The following RUFY4 variants were observed in gnomAD, a reference collection of about 807,000 sequenced individuals.
The protein encoded by RUFY4 is RUN and FYVE domain containing 4, also known as RUN and FYVE domain-containing protein 4.
RUFY4 carries 73 observed loss-of-function variants against 69.0 expected under a neutral mutation model. The ratio of observed to expected loss-of-function variants is 1.06; its 90% CI spans 0.88 to 1.29. The LOEUF (loss-of-function observed/expected upper bound fraction) is 1.29. Ranked by LOEUF, RUFY4 falls within the 50% of genes most tolerant of loss-of-function variation. RUFY4 has a pLI of 0.00. For synonymous variants in RUFY4, 287 were observed against 271.8 expected, an observed-to-expected ratio of 1.06 and a Z score of -0.55; for missense variants, 770 against 705.6, an observed-to-expected ratio of 1.09 and a Z score of -1.03.
chr2:218,051,568 TAA>T (rs35465389), intron 2 of RUFY4, among the ~76,000 whole-genome samples: 29,793 of 114,596 alleles, frequency 0.26, 3,690 homozygotes, highest in East Asian at 0.39. Flanking sequence ...TCCAATATTT[TAA>T]AAAAAAAAAA....
chr2:218,042,439 A>T (rs934044), intron 2 of RUFY4, among the ~76,000 whole-genome samples: 61,225 of 152,114 alleles, frequency 0.4, 13,642 homozygotes, highest in East Asian at 0.78. Context: ...ACAAAAGAAA[A>T]ACAGAAGTTA....
At chr2:218,065,074 G>C (rs181634857), upstream of RUFY4, among the ~76,000 whole-genome samples, 59 of 152,310 alleles carry the variant, frequency 3.9e-4, 1 homozygote, top group Middle Eastern at 3.4e-3. Context: ...TCTCCAGCCT[G>C]GGAACGGGTG....
intron 9 of RUFY4, among the ~76,000 whole-genome samples, chr2:218,083,777 G>A (rs924154675): frequency 1.3e-5 from 2 of 151,352 alleles, no homozygotes; most frequent in Non-Finnish European, 2.9e-5. Context: ...AGTCATCTAG[G>A]ACACATAGCA....
At chr2:218,058,598 A>C (rs964182774) in exon 3 of RUFY4, 2 of 152,214 alleles carry the variant, frequency 1.3e-5, no homozygotes, top group Non-Finnish European at 2.9e-5. Context: ...TTTCCAGGTC[A>C]GTGGGGGGCC....
chr2:218,036,289 CTT>C (rs1475835588), intron 2 of RUFY4, among the ~76,000 whole-genome samples: 1 of 152,176 alleles, frequency 6.6e-6, no homozygotes, highest in Non-Finnish European at 1.5e-5. Flanking sequence ...AGATATAAGT[CTT>C]TCCCTCTCTG....
At chr2:218,060,327 A>G in intron 3 of RUFY4, 3 of 1,521,096 alleles carry the variant, frequency 2.0e-6, no homozygotes, top group Non-Finnish European at 2.6e-6. Flanking sequence ...GACTGCACTT[A>G]GGCAAGAGGT....
chr2:218,037,870 G>T (rs1959002247), intron 2 of RUFY4, among the ~76,000 whole-genome samples: 1 of 152,156 alleles, frequency 6.6e-6, no homozygotes, highest in Non-Finnish European at 1.5e-5. Flanking sequence ...AAAAGTAAGT[G>T]TTTCCACTTT....
intron 6 of RUFY4, 44 bp from the exon 9 acceptor site, chr2:218,075,048 GA>G (rs1226880793): frequency 3.4e-6 from 5 of 1,472,852 alleles, no homozygotes; most frequent in Non-Finnish European, 4.5e-6. Flanking sequence ...CCAGGTCAGT[GA>G]ATTGGTGCTG....
At chr2:218,086,796 G>T (rs527741552) in intron 9 of RUFY4, among the ~76,000 whole-genome samples, 43 of 152,178 alleles carry the variant, frequency 2.8e-4, no homozygotes, top group Non-Finnish European at 5.9e-4. Context: ...CAAGTGGGCA[G>T]CAATCCCAGG....
intron 2 of RUFY4, among the ~76,000 whole-genome samples, chr2:218,044,515 T>C (rs972227361): frequency 2.0e-5 from 3 of 152,178 alleles, no homozygotes; most frequent in African/African-American, 7.2e-5. Flanking sequence ...GGGTTTGTTG[T>C]ACAGATTATT....
rs534919129 is a variant in RUFY4 at position 218,071,621 on chromosome 2, G to A, written c.154-753G>A. Among the ~76,000 whole-genome samples the A allele has an allele frequency of 1.8e-4, 28 of 152,150 alleles. No individual in the cohort carries two copies. In the South Asian group the frequency reaches 2.1e-3, roughly 11 times the overall value. ...AGGTGACTCTACCCCAGGTCGGCCCGAGGGGACCCATCCCCCATCTCAGCA... is the reference window on the plus strand; with the variant it reads ...AGGTGACTCTACCCCAGGTCGGCCCAAGGGGACCCATCCCCCATCTCAGCA... On this transcript the variant is annotated intron_variant, in intron 2 of 10. Coordinates refer to ENST00000344321, the Ensembl canonical transcript of RUFY4.
intron 9 of RUFY4, among the ~76,000 whole-genome samples, chr2:218,086,882 G>T (rs1043198985): frequency 1.3e-5 from 2 of 152,072 alleles, no homozygotes; most frequent in African/African-American, 2.4e-5. Context: ...GGAATCAAGA[G>T]AGCACCTGAA....
At chr2:218,083,192 G>C (rs866607339) in exon 9 of RUFY4, 1 of 1,613,650 alleles carries the variant, frequency 6.2e-7, no homozygotes, top group African/African-American at 1.3e-5. Flanking sequence ...CATGTACCAG[G>C]AGGAGCTTGG....
At chr2:218,055,410 AT>A (rs1186439487) in intron 2 of RUFY4, among the ~76,000 whole-genome samples, 1 of 151,772 alleles carries the variant, frequency 6.6e-6, no homozygotes, top group African/African-American at 2.4e-5. Context: ...AAAAAAAAAA[AT>A]ACAATCTAAG....
intron 3 of RUFY4, chr2:218,059,647 C>T (rs1019126347): frequency 2.4e-5 from 4 of 167,020 alleles, no homozygotes; most frequent in African/African-American, 9.6e-5. Context: ...GTACATATCA[C>T]ATTTTGCTTA....
intron 10 of RUFY4, chr2:218,089,611 G>A: frequency 1.5e-6 from 1 of 688,014 alleles, no homozygotes; most frequent in Non-Finnish European, 2.6e-6. Flanking sequence ...AGAGCCGATT[G>A]AGAAATGGGC....
At chr2:218,035,728 G>A (rs964007085) in intron 2 of RUFY4, among the ~76,000 whole-genome samples, 2 of 152,172 alleles carry the variant, frequency 1.3e-5, no homozygotes, top group African/African-American at 4.8e-5. Context: ...GAGGAGAAGA[G>A]GATGAGATCC....
At chr2:218,052,877 C>T (rs1176769526) in intron 2 of RUFY4, among the ~76,000 whole-genome samples, 1 of 150,668 alleles carries the variant, frequency 6.6e-6, no homozygotes, top group African/African-American at 2.4e-5. Context: ...TTTATATTTA[C>T]TCTTAAAGTA....
intron 2 of RUFY4, among the ~76,000 whole-genome samples, chr2:218,047,067 C>T (rs1298929070): frequency 6.7e-6 from 1 of 149,352 alleles, no homozygotes; most frequent in East Asian, 2.0e-4. Context: ...AAAAGTTTAG[C>T]TCTTTTAGTA....
Sources: allele counts gnomAD v4.1 joint callset (sites outside exome capture counted in the v4.1 genomes callset), GRCh38; gene constraint gnomAD v4.1.1; transcripts MANE v1.5; gene names NCBI Gene and HGNC (gene_info 2026-07-23, HGNC 2026-07-21).